The following FRMPD4 variants were observed in gnomAD, a reference collection of about 807,000 sequenced individuals.
FRMPD4 encodes FERM and PDZ domain containing 4, also known as FERM and PDZ domain-containing protein 4.
A neutral mutation model predicts 94.1 loss-of-function variants in FRMPD4; 22 were observed. That is an observed-to-expected ratio of 0.23 (90% confidence interval 0.17 to 0.33). The LOEUF (loss-of-function observed/expected upper bound fraction) is 0.33. Among genes scored for constraint, FRMPD4 ranks in the 10% least tolerant of loss-of-function variants. The pLI is 1.00. For missense variants in FRMPD4, 1,111 were observed against 1,339.9 expected (o/e 0.83, Z 2.67); for synonymous variants, 631 against 548.6 (o/e 1.15, Z -2.10).
At chrX:12,574,433 T>C (rs1306949679) in intron 2 of FRMPD4, among the ~76,000 whole-genome samples, 1 of 112,411 alleles carries the variant, frequency 8.9e-6, no homozygotes, top group Non-Finnish European at 1.9e-5. Context: ...CTGTTAGACA[T>C]GTGTGGAAAG....
At chrX:11,882,174 C>T (rs192049200) in intron 3 of FRMPD4, among the ~76,000 whole-genome samples, 16 of 111,175 alleles carry the variant, frequency 1.4e-4, no homozygotes, top group African/African-American at 4.3e-4. Context: ...GGGGAATTCC[C>T]AGGGAAAGAC....
intron 2 of FRMPD4, among the ~76,000 whole-genome samples, chrX:12,603,753 TA>T (rs1322872859): frequency 2.8e-5 from 3 of 106,236 alleles, no homozygotes; most frequent in African/African-American, 6.8e-5. Context: ...GTTCAGCAGG[TA>T]AAAAAAAAAT....
chrX:12,494,364 G>T (rs2057823668), intron 1 of FRMPD4, among the ~76,000 whole-genome samples: 1 of 111,680 alleles, frequency 9.0e-6, no homozygotes, highest in Non-Finnish European at 1.9e-5. Flanking sequence ...TCCCTTGGGG[G>T]CAAAATCACC....
chrX:11,822,741 C>T (rs901198793), intron 1 of FRMPD4, among the ~76,000 whole-genome samples: 3 of 111,862 alleles, frequency 2.7e-5, no homozygotes, highest in African/African-American at 9.8e-5. Flanking sequence ...GCCCCCATCT[C>T]TATTGCCTGG....
chrX:11,856,860 C>T (rs1265573256), intron 1 of FRMPD4, among the ~76,000 whole-genome samples: 2 of 112,105 alleles, frequency 1.8e-5, no homozygotes, highest in African/African-American at 6.5e-5. Flanking sequence ...TCGGGAAAGT[C>T]TCAGGATACA....
chrX:12,649,856 G>A (rs993450567), intron 4 of FRMPD4, among the ~76,000 whole-genome samples: 15 of 112,786 alleles, frequency 1.3e-4, no homozygotes, highest in South Asian at 3.7e-4. Context: ...GCAGTCTTCT[G>A]ATGAAAATGG....
intron 1 of FRMPD4, among the ~76,000 whole-genome samples, chrX:12,222,948 T>G (rs780561090): frequency 1.8e-5 from 2 of 112,344 alleles, no homozygotes; most frequent in Admixed American, 1.9e-4. Context: ...AAAGTTGTTA[T>G]GTACATGTGC....
intron 1 of FRMPD4, among the ~76,000 whole-genome samples, chrX:11,839,376 G>T (rs1259194655): frequency 9.0e-6 from 1 of 111,164 alleles, no homozygotes; most frequent in Non-Finnish European, 1.9e-5. Context: ...ATACTTATTA[G>T]TTATTTGTAT....
chrX:12,393,488 A>G (rs1318111077), intron 1 of FRMPD4, among the ~76,000 whole-genome samples: 2 of 112,095 alleles, frequency 1.8e-5, no homozygotes, highest in Admixed American at 9.4e-5. Context: ...TTGGAAAACA[A>G]TTAAGTTGGT....
chrX:12,323,270 C>T (rs932558469), intron 1 of FRMPD4, among the ~76,000 whole-genome samples: 2 of 111,885 alleles, frequency 1.8e-5, no homozygotes, highest in Non-Finnish European at 3.8e-5. Flanking sequence ...GTGATCAAGC[C>T]ATCAGAGTCA....
At chrX:12,718,953 T>C (rs1272506938) in intron 16 of FRMPD4, among the ~76,000 whole-genome samples, 163 bp downstream of exon 16, 3 of 112,709 alleles carry the variant, frequency 2.7e-5, no homozygotes, top group Non-Finnish European at 3.7e-5. Context: ...TGGTATTTAA[T>C]AAATACTAAA....
intron 1 of FRMPD4, among the ~76,000 whole-genome samples, chrX:12,447,416 T>G (rs1477095768): frequency 8.9e-6 from 1 of 111,827 alleles, no homozygotes; most frequent in African/African-American, 3.3e-5. Context: ...GAATCACCAG[T>G]CTAAAGTAAT....
intron 3 of FRMPD4, among the ~76,000 whole-genome samples, chrX:11,932,840 C>T (rs1051101442): frequency 9.0e-6 from 1 of 111,323 alleles, no homozygotes; most frequent in Non-Finnish European, 1.9e-5. Context: ...GCTCAAATTC[C>T]ACCCCACTCA....
intron 3 of FRMPD4, among the ~76,000 whole-genome samples, chrX:11,926,286 C>G (rs1411352491): frequency 9.8e-6 from 1 of 102,560 alleles, no homozygotes; most frequent in East Asian, 2.9e-4. Flanking sequence ...AAAAAAAGCC[C>G]AGGACCAGAT....
chrX:12,237,029 T>C (rs1316289048), intron 1 of FRMPD4, among the ~76,000 whole-genome samples: 1 of 111,876 alleles, frequency 8.9e-6, no homozygotes, highest in East Asian at 2.8e-4. Flanking sequence ...CCTGTCCAAA[T>C]GTCAATACTG....
chrX:12,280,307 C>T (rs1164619285), intron 1 of FRMPD4, among the ~76,000 whole-genome samples: 1 of 108,226 alleles, frequency 9.2e-6, no homozygotes, highest in Non-Finnish European at 1.9e-5. Context: ...AAGAACAAGA[C>T]TATCCTAGGG....
chrX:12,589,577 G>A (rs1489480986), intron 2 of FRMPD4, among the ~76,000 whole-genome samples: 1 of 111,474 alleles, frequency 9.0e-6, no homozygotes, highest in Non-Finnish European at 1.9e-5. Context: ...ATCTACAGAG[G>A]ACAAGTGCCT....
intron 3 of FRMPD4, among the ~76,000 whole-genome samples, chrX:12,087,954 A>G (rs910895084): frequency 9.8e-5 from 11 of 112,329 alleles, no homozygotes; most frequent in Admixed American, 7.5e-4. Flanking sequence ...CTGCAGGCGT[A>G]TACATTTTTT....
At chrX:12,578,691 A>T (rs1281260780) in intron 2 of FRMPD4, among the ~76,000 whole-genome samples, 1 of 112,210 alleles carries the variant, frequency 8.9e-6, no homozygotes, top group Non-Finnish European at 1.9e-5. Flanking sequence ...ACATTTTAAT[A>T]TCGCAAATAT....
Sources: gnomAD v4.1 joint callset for allele counts (sites outside exome capture counted in the v4.1 genomes callset) on GRCh38, gnomAD v4.1.1 for gene constraint, MANE v1.5 for transcripts, NCBI Gene and HGNC (gene_info 2026-07-23, HGNC 2026-07-21) for gene names.